The following SLC12A1 variants were observed in gnomAD, a reference collection of about 807,000 sequenced individuals.
SLC12A1 encodes solute carrier family 12 member 1, also known as Na-K-2Cl cotransporter.
A neutral mutation model predicts 130.4 loss-of-function variants in SLC12A1; 89 were observed. The ratio of observed to expected loss-of-function variants is 0.68; its 90% CI spans 0.58 to 0.81. The LOEUF is 0.81. Ranked by LOEUF, SLC12A1 falls within the 40% of genes least tolerant of loss-of-function variation. The pLI is 0.00. For missense variants in SLC12A1, 1,310 were observed against 1,336.4 expected, an observed-to-expected ratio of 0.98 and a Z score of 0.31; for synonymous variants, 499 against 460.0, an observed-to-expected ratio of 1.08 and a Z score of -1.09.
At chr15:48,255,728 G>C (rs1292631298) in intron 15 of SLC12A1, 83 bp from the exon 16 acceptor site, 1 of 857,504 alleles carries the variant, frequency 1.2e-6, no homozygotes, top group African/African-American at 1.7e-5. Context: ...GAAAATCATA[G>C]AAGGGAATGA....
chr15:48,250,691 C>CACACACACACACACACACAA, intron 14 of SLC12A1, among the ~76,000 whole-genome samples: 1 of 151,802 alleles, frequency 6.6e-6, no homozygotes, highest in African/African-American at 2.4e-5. Context: ...CACACACACA[C>CACACACACACACACACACAA]ACACACACAC....
At chr15:48,291,643 A>C in intron 23 of SLC12A1, 135 bp from the exon 24 acceptor site, 1 of 653,240 alleles carries the variant, frequency 1.5e-6, no homozygotes, top group Non-Finnish European at 2.7e-6. Context: ...TCAAACACCA[A>C]CCAAAAAGCC....
Position 48,229,960 on chromosome 15 carries a change from A to G in SLC12A1, c.865-433A>G, listed in dbSNP as rs546380350. Among the ~76,000 whole-genome samples, 9 of 152,344 alleles carry G rather than the reference A, an allele frequency of 5.9e-5. 1 individual carries two copies. Among genetic ancestry groups the G allele is most frequent in the African/African-American group, 2.2e-4 (9 of 41,578 alleles). Reference sequence around the variant, plus strand: ...ACAGTTCACAAGGTATATTACCTTCAAGAGATGCATTATCAGGTTTGTGTC... The same window carrying G: ...ACAGTTCACAAGGTATATTACCTTCGAGAGATGCATTATCAGGTTTGTGTC... On this transcript the variant is annotated intron_variant, in intron 6 of 26. Transcript: ENST00000380993.
intron 9 of SLC12A1, chr15:48,235,228 A>T (rs1461336203): frequency 1.7e-6 from 1 of 584,542 alleles, no homozygotes; most frequent in Non-Finnish European, 3.1e-6. Context: ...TCAGAAGAAC[A>T]GGGTAGTGTG....
intron 21 of SLC12A1, among the ~76,000 whole-genome samples, chr15:48,285,719 C>A (rs187207585): frequency 1.3e-5 from 2 of 152,174 alleles, no homozygotes; most frequent in South Asian, 4.1e-4. Context: ...CCAGAATGCA[C>A]GACTTAGAAC....
intron 19 of SLC12A1, among the ~76,000 whole-genome samples, chr15:48,272,022 C>T (rs1393939470): frequency 6.6e-6 from 1 of 152,190 alleles, no homozygotes; most frequent in Non-Finnish European, 1.5e-5. Context: ...GGACTGTCTT[C>T]CAACCTCTCT....
chr15:48,284,274 A>C (rs562034496), intron 20 of SLC12A1, among the ~76,000 whole-genome samples: 1 of 152,332 alleles, frequency 6.6e-6, no homozygotes, highest in South Asian at 2.1e-4. Context: ...TTGTATCCAG[A>C]GCCTATAGAG....
At chr15:48,265,830 T>C (rs2041826056) in intron 17 of SLC12A1, among the ~76,000 whole-genome samples, 1 of 152,322 alleles carries the variant, frequency 6.6e-6, no homozygotes, top group Non-Finnish European at 1.5e-5. Context: ...AGAAATATAT[T>C]ATGTGCCATA....
At chr15:48,285,328 C>T (rs1952967504) in intron 21 of SLC12A1, 79 bp downstream of exon 21, 2 of 1,402,054 alleles carry the variant, frequency 1.4e-6, no homozygotes, top group South Asian at 1.2e-5. Context: ...CCGAAGTCAG[C>T]ATCTAAGATG....
intron 18 of SLC12A1, among the ~76,000 whole-genome samples, chr15:48,269,189 T>C (rs1436959768): frequency 6.6e-6 from 1 of 152,218 alleles, no homozygotes; most frequent in African/African-American, 2.4e-5. Flanking sequence ...TTTGGAAACA[T>C]AATTCAGTCA....
At chr15:48,230,839 C>T (rs1203412228) in intron 7 of SLC12A1, among the ~76,000 whole-genome samples, 2 of 152,162 alleles carry the variant, frequency 1.3e-5, no homozygotes, top group African/African-American at 4.8e-5. Context: ...TTCAAGCTGC[C>T]TGTGGGTGCA....
rs2041304896 is a variant in SLC12A1 at position 48,227,437 on chromosome 15, G to A, written c.724+866G>A. On this transcript the variant is annotated intron_variant, in intron 5 of 26. Transcript: ENST00000380993. Reference sequence around the variant, plus strand: ...TAGTAAGAAGGTATGGAATATTATAGCAAAATATATGGTTTCTTTGTACCT... The same window carrying A: ...TAGTAAGAAGGTATGGAATATTATAACAAAATATATGGTTTCTTTGTACCT... 3 of 474,042 alleles carry A rather than the reference G, an allele frequency of 6.3e-6. No homozygotes were observed. In the South Asian group the frequency reaches 7.0e-5, roughly 11 times the overall value. 29.4% of individuals were successfully genotyped at this position (474,042 alleles called of 1,614,324 possible). A position where few individuals can be genotyped will look rare whatever the true frequency, so the allele number is the denominator to read the frequency against.
At chr15:48,257,130 C>G (rs2041716852) in intron 16 of SLC12A1, among the ~76,000 whole-genome samples, 1 of 152,202 alleles carries the variant, frequency 6.6e-6, no homozygotes, top group Non-Finnish European at 1.5e-5. Context: ...AATCTTAAAG[C>G]TCCAAAATGA....
At chr15:48,240,262 T>C (rs1038596368) in intron 9 of SLC12A1, among the ~76,000 whole-genome samples, 1 of 151,862 alleles carries the variant, frequency 6.6e-6, no homozygotes, top group South Asian at 2.1e-4. Context: ...GGGGATTCAG[T>C]AGGCCCCATC....
In SLC12A1 at chr15:48,229,542, G is replaced by A. The variant is rs529416133; in HGVS notation, c.864+214G>A. On this transcript the variant is annotated intron_variant, in intron 6 of 26. Transcript: ENST00000380993. ...TTTGGATTAGTTCCTCTATTCTTCC[G>A]AACTTTGTTTTCCAAATCTATAATA... Among the ~76,000 whole-genome samples the A allele has an allele frequency of 4.1e-4, 63 of 152,276 alleles. 1 individual carries two copies. Among genetic ancestry groups the A allele is most frequent in the Non-Finnish European group, 2.6e-4 (18 of 68,026 alleles).
intron 9 of SLC12A1, among the ~76,000 whole-genome samples, chr15:48,239,547 T>TAAATAAATAAATAAATA (rs1555466502): frequency 1.3e-5 from 2 of 148,674 alleles, no homozygotes; most frequent in African/African-American, 4.9e-5. Context: ...AATAAATAAA[T>TAAATAAATAAATAAATA]AATAATGTCT....
chr15:48,230,461 T>C lies in SLC12A1; in HGVS notation c.933T>C (p.Ile311=). 1 of 1,612,914 alleles carries C rather than the reference T, an allele frequency of 6.2e-7. No individual in the cohort carries two copies. Residue 311 remains isoleucine, a synonymous_variant, in exon 7 of 27, where the codon ATT becomes ATC. Transcript: ENST00000380993. ...TTATAGGCTCCATCACAGTGGTGAT[T>C]CTTCTAGGAATTTCAGTAGCTGGAA... ...IRIIGSITVV[I]LLGISVAGME...
At chr15:48,243,564 A>T (rs529790019) in intron 10 of SLC12A1, among the ~76,000 whole-genome samples, 1 of 152,202 alleles carries the variant, frequency 6.6e-6, no homozygotes, top group South Asian at 2.1e-4. Context: ...GCTGAGGCAG[A>T]GAATTGCTTG....
chr15:48,266,498 T>C (rs1430308751), intron 17 of SLC12A1, among the ~76,000 whole-genome samples: 17 of 150,500 alleles, frequency 1.1e-4, no homozygotes, highest in Admixed American at 1.0e-3. Flanking sequence ...TCTAAGACCC[T>C]TTAAGACCGT....
Sources: allele counts gnomAD v4.1 joint callset (sites outside exome capture counted in the v4.1 genomes callset), GRCh38; gene constraint gnomAD v4.1.1; transcripts MANE v1.5; gene names NCBI Gene and HGNC (gene_info 2026-07-23, HGNC 2026-07-21).